The following OVOL1 variants were observed in gnomAD, a reference collection of about 807,000 sequenced individuals.
OVOL1 encodes putative transcription factor Ovo-like 1.
In OVOL1, 10 loss-of-function variants were observed where a neutral mutation model predicts 21.5. The ratio of observed to expected loss-of-function variants is 0.46; its 90% CI spans 0.29 to 0.79. The LOEUF (loss-of-function observed/expected upper bound fraction) is 0.79. Ranked by LOEUF, OVOL1 falls within the 30% of genes least tolerant of loss-of-function variation. The pLI, the probability that OVOL1 is intolerant of heterozygous loss-of-function variation, is 0.10. For synonymous variants in OVOL1, 129 were observed against 150.3 expected (o/e 0.86, Z 1.03); for missense variants, 279 against 362.3 (o/e 0.77, Z 1.87).
intron 3 of OVOL1, 83 bp from the exon 4 acceptor site, chr11:65,794,963 C>T: frequency 2.1e-6 from 3 of 1,429,482 alleles, no homozygotes; most frequent in South Asian, 1.3e-5. Context: ...GGCAGGGGTC[C>T]TGTCCTTTCT....
At chr11:65,792,333 C>G (rs1858037398) in intron 1 of OVOL1, 1 of 152,344 alleles carries the variant, frequency 6.6e-6, no homozygotes, top group African/African-American at 2.4e-5. Context: ...GGACCTCGCT[C>G]ACACCATCCA....
chr11:65,788,371 A>C, intron 1 of OVOL1: 1 of 767,234 alleles, frequency 1.3e-6, no homozygotes, highest in Non-Finnish European at 1.6e-6. Flanking sequence ...CACCCCCAAC[A>C]AAGTCTTTGG....
chr11:65,793,302 G>A (rs1033909926), intron 1 of OVOL1, among the ~76,000 whole-genome samples: 8 of 152,200 alleles, frequency 5.3e-5, no homozygotes, highest in African/African-American at 1.7e-4. Context: ...CGGTGCTGCC[G>A]CTGCTGAGGG....
At chr11:65,792,650 A>G (rs963270071) in intron 1 of OVOL1, among the ~76,000 whole-genome samples, 3 of 152,230 alleles carry the variant, frequency 2.0e-5, no homozygotes, top group Non-Finnish European at 4.4e-5. Flanking sequence ...AACCCTAGGA[A>G]TGAGGTGGCT....
In OVOL1 at chr11:65,795,161, G is replaced by C; in HGVS notation, c.624G>C (p.Arg208=). The C allele has an allele frequency of 1.2e-6, 2 of 1,613,312 alleles. No homozygotes were observed. Among genetic ancestry groups the C allele is most frequent in the Non-Finnish European group, 1.7e-6 (2 of 1,180,010 alleles). ...GVQQKYAYKE[R]RAKLYVCEEC... ...AGCAGAAGTACGCGTACAAGGAGCG[G>C]CGGGCCAAGCTGTACGTGTGTGAGG... Residue 208 remains arginine, a synonymous_variant, in exon 4 of 4, where the codon CGG becomes CGC. Transcript: ENST00000335987. The surrounding 1 kb of genome is among the most constrained non-coding windows in gnomAD (Gnocchi z 5.7).
chr11:65,787,752 C>T (rs1054230894), intron 1 of OVOL1, among the ~76,000 whole-genome samples: 5 of 152,150 alleles, frequency 3.3e-5, no homozygotes, highest in Admixed American at 2.6e-4. Flanking sequence ...TACCCCCACC[C>T]CCTGAACCGC....
rs1025609691 is a variant in OVOL1, at chr11:65,797,137, T to C, written c.*1796T>C. The C allele has an allele frequency of 6.6e-6, 1 of 152,250 alleles. No homozygotes were observed. Among genetic ancestry groups the C allele is most frequent in the Non-Finnish European group, 1.5e-5 (1 of 68,036 alleles). 9.4% of individuals were successfully genotyped at this position (152,250 alleles called of 1,614,324 possible). On this transcript the variant is annotated 3_prime_UTR_variant, in exon 4 of 4. Transcript: ENST00000335987. ...TCTGTATCCCTGGGTTGACTGCCAA[T>C]CCGAGGCCGTCATGAAGCTCTGTGT...
At chr11:65,789,674 G>A (rs1857971193) in intron 1 of OVOL1, 11 of 985,232 alleles carry the variant, frequency 1.1e-5, no homozygotes, top group Non-Finnish European at 1.2e-5. Flanking sequence ...GCACGTTTCC[G>A]TTCACCTCAC....
chr11:65,789,740 C>T (rs910694047), intron 1 of OVOL1: 8 of 978,740 alleles, frequency 8.2e-6, no homozygotes, highest in African/African-American at 5.3e-5. Context: ...AGTGGAGGGC[C>T]CAGGAATGTG....
rs1460843999 is a variant in OVOL1 at position 65,787,147 on chromosome 11, CACCTGGCCGCAAGGG to C, written c.-222_-208del. 1 of 431,440 alleles carries C rather than the reference CACCTGGCCGCAAGGG, an allele frequency of 2.3e-6. No individual in the cohort carries two copies. The highest frequency in any genetic ancestry group is 4.3e-6 in the Non-Finnish European group (1 of 231,488). 26.7% of individuals were successfully genotyped at this position (431,440 alleles called of 1,614,324 possible). A position where few individuals can be genotyped will look rare whatever the true frequency, so the allele number is the denominator to read the frequency against. The stretch of plus-strand genomic sequence containing the variant: ...TGCCGCTTCCCCGCGCCGCCCGGTG[CACCTGGCCGCAAGGG>C]ACCTCGTTCTCAGGGAAGACGGCGA... On this transcript the variant is annotated 5_prime_UTR_variant, in exon 1 of 4. Transcript: ENST00000335987.
Position 65,794,576 on chromosome 11 carries a change from C to T in OVOL1, c.357C>T (p.Thr119=). ...LGDSPSGDLF[T]CRVCQKAFTY... ...ACAGTCCCAGTGGAGACCTGTTCAC[C>T]TGCCGTGTCTGCCAGAAGGCCTTCA... is the stretch of plus-strand genomic sequence containing the variant. The change falls in exon 3 of 4, where the codon ACC becomes ACT. Residue 119 remains threonine (T), a synonymous_variant. Transcript: ENST00000335987. 14 of 1,613,490 alleles carry T rather than the reference C, an allele frequency of 8.7e-6. No individual in the cohort carries two copies. The highest frequency in any genetic ancestry group is 1.2e-5 in the Non-Finnish European group (14 of 1,180,040).
chr11:65,788,194 G>A (rs1857941810), intron 1 of OVOL1, among the ~76,000 whole-genome samples: 1 of 152,224 alleles, frequency 6.6e-6, no homozygotes, highest in Admixed American at 6.5e-5. Context: ...ATGGAAAGCA[G>A]CTGCAGGGAG....
In OVOL1 at chr11:65,796,437, C is replaced by T. The variant is rs1300468544; in HGVS notation, c.*1096C>T. Reference sequence around the variant, plus strand: ...TGGGACGAATGACGATGCCCATCCACTACCTGAAGCACTAGGACACTCTTG... The same window carrying T: ...TGGGACGAATGACGATGCCCATCCATTACCTGAAGCACTAGGACACTCTTG... On this transcript the variant is annotated 3_prime_UTR_variant, in exon 4 of 4. Transcript: ENST00000335987. 6.6e-6 allele frequency: 1 copy of T among 152,280 alleles called. No homozygotes were observed. Among genetic ancestry groups the T allele is most frequent in the African/African-American group, 2.4e-5 (1 of 41,436 alleles). The allele number at this position is 152,280 out of a possible 1,614,324, so 9.4% of individuals were successfully genotyped here. A position where few individuals can be genotyped will look rare whatever the true frequency, so the allele number is the denominator to read the frequency against.
chr11:65,787,887 C>T (rs1857935570), intron 1 of OVOL1, among the ~76,000 whole-genome samples: 1 of 152,136 alleles, frequency 6.6e-6, no homozygotes, highest in African/African-American at 2.4e-5. Context: ...CTTTGGGGGG[C>T]GGGGAGCGGG....
At chr11:65,793,210 G>A (rs893863206) in intron 1 of OVOL1, among the ~76,000 whole-genome samples, 1 of 152,214 alleles carries the variant, frequency 6.6e-6, no homozygotes, top group Non-Finnish European at 1.5e-5. Context: ...CTGGGCTCAG[G>A]GTCTGAAGCC....
In OVOL1 at chr11:65,795,337, T is replaced by A; in HGVS notation, c.800T>A (p.Leu267Gln). Reference sequence around the variant, plus strand: ...TCCCTGCTGCAGGGCAGCCCCCACCTGTGAGTGGCTCGAGCCCTGGGGGTG... The same window carrying A: ...TCCCTGCTGCAGGGCAGCCCCCACCAGTGAGTGGCTCGAGCCCTGGGGGTG... Reference protein sequence around the residue: ...VTSLLQGSPHL With the variant: ...VTSLLQGSPHQ The change falls in exon 4 of 4, where the codon CTG becomes CAG. Residue 267 changes from leucine (L) to glutamine (Q), a missense_variant. Physicochemically the swap from Leu to Gln is moderately radical, Grantham distance 113. Coordinates refer to ENST00000335987, the MANE Select transcript of OVOL1 (RefSeq NM_004561.4). The surrounding 1 kb of genome is among the most constrained non-coding windows in gnomAD (Gnocchi z 5.7). 1 of 1,593,572 alleles carries A rather than the reference T, an allele frequency of 6.3e-7. No homozygotes were observed. The highest frequency in any genetic ancestry group is 2.3e-5 in the East Asian group (1 of 43,824).
Position 65,794,195 on chromosome 11 carries a change from C to G in OVOL1, c.265C>G (p.His89Asp). Reference sequence around the variant, plus strand: ...CCAGCTGCCCTCTGAAGACATGGGCCACTTGACAGACCCCCAGAGCAGAGA... The same window carrying G: ...CCAGCTGCCCTCTGAAGACATGGGCGACTTGACAGACCCCCAGAGCAGAGA... ...VAQLPSEDMGHLTDPQSRDHG... is the reference protein window; with the variant it reads ...VAQLPSEDMGDLTDPQSRDHG... Residue 89 changes from histidine to aspartate, a missense_variant, in exon 2 of 4, where the codon CAC becomes GAC. His to Asp is a moderately conservative substitution (Grantham distance 81). Coordinates refer to ENST00000335987, the MANE Select transcript of OVOL1 (RefSeq NM_004561.4). The G allele has an allele frequency of 6.2e-7, 1 of 1,613,580 alleles. No homozygotes were observed.
rs72922786 is a variant in OVOL1 at position 65,795,381 on chromosome 11, G to A, written c.*40G>A. 1 of 1,527,732 alleles carries A rather than the reference G, an allele frequency of 6.5e-7. No homozygotes were observed. The highest frequency in any genetic ancestry group is 2.2e-4 in the Middle Eastern group (1 of 4,570). The allele number at this position is 1,527,732 out of a possible 1,614,324, so 94.6% of individuals were successfully genotyped here. The stretch of plus-strand genomic sequence containing the variant: ...GGGGGTGCTCCTGGAAGCCCCAAGA[G>A]CATCCAGGATTGCCTCCCAGCTGCC... On this transcript the variant is annotated 3_prime_UTR_variant, in exon 4 of 4. Transcript: ENST00000335987. This position sits in a 1 kb window ranked among gnomAD's most constrained non-coding sequence, Gnocchi z 5.7.
intron 2 of OVOL1, 97 bp from the exon 3 acceptor site, chr11:65,794,441 T>C: frequency 7.9e-7 from 1 of 1,271,450 alleles, no homozygotes. Flanking sequence ...ACCACCCTCC[T>C]CAGGGACACT....
Sources: gnomAD v4.1 joint callset for allele counts (sites outside exome capture counted in the v4.1 genomes callset) on GRCh38, gnomAD v4.1.1 for gene constraint, Gnocchi (gnomAD v3.1) non-coding constraint, MANE v1.5 for transcripts, NCBI Gene and HGNC (gene_info 2026-07-23, HGNC 2026-07-21) for gene names.